The following PALB2 variants were observed in gnomAD, a reference collection of about 807,000 sequenced individuals.
PALB2 encodes partner and localizer of BRCA2.
In PALB2, 82 loss-of-function variants were observed where a neutral mutation model predicts 107.4. That is an observed-to-expected ratio of 0.76 (90% CI 0.64 to 0.92). The LOEUF (loss-of-function observed/expected upper bound fraction) is 0.92. Ranked by LOEUF, PALB2 falls within the 40% of genes least tolerant of loss-of-function variation. The pLI is 0.00. For synonymous variants in PALB2, 489 were observed against 496.8 expected, an observed-to-expected ratio of 0.98 and a Z score of 0.21; for missense variants, 1,374 against 1,379.9, an observed-to-expected ratio of 1.00 and a Z score of 0.07.
chr16:23,637,182 A>T (rs1249647433), intron 3 of PALB2, among the ~76,000 whole-genome samples: 1 of 152,142 alleles, frequency 6.6e-6, no homozygotes, highest in Non-Finnish European at 1.5e-5. Flanking sequence ...CAGGAGGTGG[A>T]GGCTGCAGTG....
In PALB2 at chr16:23,603,590, G is replaced by C. The variant is rs1966401863; in HGVS notation, c.3430C>G (p.Leu1144Val). 4 of 1,614,132 alleles carry C rather than the reference G, an allele frequency of 2.5e-6. No individual in the cohort carries two copies. Among genetic ancestry groups the C allele is most frequent in the Non-Finnish European group, 3.4e-6 (4 of 1,180,030 alleles). The change falls in exon 13 of 13, where the codon CTC (leucine) becomes GTC (valine). Residue 1144 changes from leucine to valine, a missense_variant. Physicochemically the swap from Leu to Val is conservative, Grantham distance 32. Coordinates refer to ENST00000261584, the MANE Select transcript of PALB2 (RefSeq NM_024675.4). ...SGTIAIWDLLLGQCTALLPPV... is the reference protein window; with the variant it reads ...SGTIAIWDLLVGQCTALLPPV... The stretch of plus-strand genomic sequence containing the variant: ...GGGAGGAGGGCAGTACACTGACCGA[G>C]AAGTAAGTCCCAAATGGCAATTGTT...
intron 6 of PALB2, among the ~76,000 whole-genome samples, chr16:23,627,945 T>C (rs1418269175): frequency 2.0e-5 from 3 of 152,200 alleles, no homozygotes; most frequent in Non-Finnish European, 4.4e-5. Context: ...ATTAGGACAC[T>C]GGGCATGGTG....
At chr16:23,623,667 G>A (rs960418279) in intron 8 of PALB2, among the ~76,000 whole-genome samples, 9 of 151,278 alleles carry the variant, frequency 5.9e-5, no homozygotes, top group African/African-American at 2.2e-4. Context: ...GCACCCGCAG[G>A]TGCTATACAC....
chr16:23,622,220 G>A (rs555597194), intron 9 of PALB2, among the ~76,000 whole-genome samples: 14 of 152,126 alleles, frequency 9.2e-5, no homozygotes, highest in Admixed American at 4.6e-4. Flanking sequence ...TCCCCAATAC[G>A]TCTAATAAAT....
At chr16:23,632,890 T>TA (rs1362532812) in intron 4 of PALB2, among the ~76,000 whole-genome samples, 2 of 152,272 alleles carry the variant, frequency 1.3e-5, no homozygotes, top group East Asian at 1.9e-4. Flanking sequence ...GGTCAGGAGA[T>TA]AGAGACCAGC....
At chr16:23,603,922 C>A (rs910820998) in intron 12 of PALB2, among the ~76,000 whole-genome samples, 2 of 152,150 alleles carry the variant, frequency 1.3e-5, no homozygotes, top group Non-Finnish European at 2.9e-5. Flanking sequence ...CAGTGGCCTT[C>A]CTTCCACTCT....
At position 23,641,251 on chromosome 16, in the gene PALB2, G is replaced by A. The variant is rs1967242561; in HGVS notation, c.-94C>T. 6.7e-7 allele frequency: 1 copy of A among 1,491,956 alleles called. No individual in the cohort carries two copies. 92.4% of individuals were successfully genotyped at this position (1,491,956 alleles called of 1,614,324 possible). On this transcript the variant is annotated 5_prime_UTR_variant, in exon 1 of 13. Transcript: ENST00000261584. ...GGCCCTGGGCCGGGGAGGCGCCCCA[G>A]GAAGGAATGGGGAGCCCGGGATCGC... is the stretch of plus-strand genomic sequence containing the variant.
rs2142455258 is a variant in PALB2, at chr16:23,637,843, G to T, written c.211+7C>A. 1 of 1,601,182 alleles carries T rather than the reference G, an allele frequency of 6.2e-7. No homozygotes were observed. The highest frequency in any genetic ancestry group is 8.6e-7 in the Non-Finnish European group (1 of 1,168,230). Reference sequence around the variant, plus strand: ...AAAGCAGGCATAAGTGAATGGTCTAGATTTACCTGAGTGTTTTAGCTGCGG... The same window carrying T: ...AAAGCAGGCATAAGTGAATGGTCTATATTTACCTGAGTGTTTTAGCTGCGG... On this transcript the variant is annotated splice_region_variant and intron_variant, in intron 3 of 12. Coordinates refer to ENST00000261584, the MANE Select transcript of PALB2 (RefSeq NM_024675.4).
chr16:23,641,196 CCCCAGGCCTG>C lies in PALB2; in HGVS notation c.-49_-40del. ...GAACGAAAAGAGCAGCCGTCGCCGA[CCCCAGGCCTG>C]CCGACACCGGGACCCAGTTGGCCCT... On this transcript the variant is annotated 5_prime_UTR_variant, in exon 1 of 13. Transcript: ENST00000261584. 1.2e-6 allele frequency: 2 copies of C among 1,604,678 alleles called. No individual in the cohort carries two copies.
intron 6 of PALB2, 63 bp downstream of exon 6, chr16:23,629,141 T>A (rs185846350): frequency 1.6e-6 from 2 of 1,269,318 alleles, no homozygotes; most frequent in African/African-American, 2.9e-5. Context: ...ACTGAATTCT[T>A]TTCAGTTCAT....
rs141735014 is a variant in PALB2, at chr16:23,625,615, C to T, written c.2748+621G>A. Among the ~76,000 whole-genome samples, 1,286 of 151,858 alleles carry T rather than the reference C, an allele frequency of 8.5e-3. 19 individuals carry two copies. The highest frequency in any genetic ancestry group is 0.028 in the African/African-American group (1,164 of 41,444). ...TTCAAGAACAGCCTGGGCAACATGGCAAAATCCCGTCTCTACTAAAAATAC... is the reference window on the plus strand; with the variant it reads ...TTCAAGAACAGCCTGGGCAACATGGTAAAATCCCGTCTCTACTAAAAATAC... On this transcript the variant is annotated intron_variant, in intron 7 of 12. Coordinates refer to ENST00000261584, the MANE Select transcript of PALB2 (RefSeq NM_024675.4).
At chr16:23,621,928 A>G (rs1261409494) in intron 9 of PALB2, among the ~76,000 whole-genome samples, 2 of 152,138 alleles carry the variant, frequency 1.3e-5, no homozygotes, top group African/African-American at 4.8e-5. Flanking sequence ...AATCTAGTCA[A>G]TCACCAAGTC....
intron 6 of PALB2, among the ~76,000 whole-genome samples, chr16:23,627,475 C>T (rs1017100157): frequency 8.2e-6 from 1 of 121,372 alleles, no homozygotes; most frequent in East Asian, 2.4e-4. Flanking sequence ...GCCTGGGCGA[C>T]AGAGCAAGAC....
chr16:23,641,295 G>A lies in PALB2; in HGVS notation c.-138C>T. ...GGATCGCACCCTCAGTGCGCGATCA[G>A]CTGACCCACGCGGGCCAAGCGCGCC... On this transcript the variant is annotated 5_prime_UTR_variant, in exon 1 of 13. Transcript: ENST00000261584. 8.4e-7 allele frequency: 1 copy of A among 1,192,534 alleles called. No individual in the cohort carries two copies. The highest frequency in any genetic ancestry group is 1.3e-5 in the South Asian group (1 of 74,252). 73.9% of individuals were successfully genotyped at this position (1,192,534 alleles called of 1,614,324 possible).
intron 11 of PALB2, among the ~76,000 whole-genome samples, chr16:23,610,456 G>A (rs563833991): frequency 4.0e-5 from 6 of 151,600 alleles, no homozygotes; most frequent in South Asian, 2.1e-4. Context: ...CTACAGGTGC[G>A]CACCACCATG....
rs876658279 is a variant in PALB2 at position 23,629,204 on chromosome 16, C to G, written c.2586G>C (p.Lys862Asn). ...CACTGGAAGAGAATATTCTTCTGACCTTTAACTCTGAAACCAATTGTAGGT... is the reference window on the plus strand; with the variant it reads ...CACTGGAAGAGAATATTCTTCTGACGTTTAACTCTGAAACCAATTGTAGGT... ...PGNLQLVSEL[K>N]NPSGSCSVDV... is the part of the protein sequence containing the mutation. The change falls in exon 6 of 13, where the codon AAG (lysine) becomes AAC (asparagine). Residue 862 changes from lysine (K) to asparagine (N), a missense_variant and splice_region_variant. By Grantham distance (94) the Lys-to-Asn change is moderately conservative (BLOSUM62 0). Coordinates refer to ENST00000261584, the MANE Select transcript of PALB2 (RefSeq NM_024675.4). The G allele has an allele frequency of 3.1e-6, 5 of 1,609,888 alleles. No homozygotes were observed. Among genetic ancestry groups the G allele is most frequent in the Middle Eastern group, 1.6e-4 (1 of 6,078 alleles).
intron 10 of PALB2, among the ~76,000 whole-genome samples, chr16:23,615,201 G>A (rs13332233): frequency 0.18 from 27,406 of 151,310 alleles, 2,563 homozygotes; most frequent in African/African-American, 0.22. Context: ...CACCTGCCTC[G>A]GCCTCCCAAA....
intron 6 of PALB2, 62 bp downstream of exon 6, chr16:23,629,142 T>C (rs898551495): frequency 7.8e-7 from 1 of 1,284,726 alleles, no homozygotes; most frequent in Non-Finnish European, 1.1e-6. Flanking sequence ...CTGAATTCTT[T>C]TCAGTTCATT....
rs1555460493 is a variant in PALB2 at position 23,630,059 on chromosome 16, A to T, written c.2095T>A (p.Ser699Thr). The change falls in exon 5 of 13, where the codon TCT (serine) becomes ACT (threonine). Residue 699 changes from serine (S) to threonine (T), a missense_variant. Coordinates refer to ENST00000261584, the MANE Select transcript of PALB2 (RefSeq NM_024675.4). ...GGAGTATAAAGTAATATGGATGAAG[A>T]AAGGCCCGTCTTTGTATGCTGGCTT... ...SQSQHTKTGL[S>T]SSILLYTPLN... 1 of 1,614,178 alleles carries T rather than the reference A, an allele frequency of 6.2e-7. No homozygotes were observed. The highest frequency in any genetic ancestry group is 8.5e-7 in the Non-Finnish European group (1 of 1,180,032).
Sources: allele counts gnomAD v4.1 joint callset (sites outside exome capture counted in the v4.1 genomes callset), GRCh38; gene constraint gnomAD v4.1.1; transcripts MANE v1.5; gene names NCBI Gene and HGNC (gene_info 2026-07-23, HGNC 2026-07-21).